TSNARE1: variants seen among roughly 807,000 people sequenced by gnomAD.
TSNARE1 encodes t-SNARE domain containing 1.
TSNARE1 carries 49 observed loss-of-function variants against 62.0 expected under a neutral mutation model. The observed-to-expected ratio is 0.79, with a 90% CI of 0.63 to 1.00. The LOEUF is 1.00. Among genes scored for constraint, TSNARE1 ranks in the 50% least tolerant of loss-of-function variants. The pLI is 0.00. For missense variants in TSNARE1, 755 were observed against 700.1 expected, an observed-to-expected ratio of 1.08 and a Z score of -0.88; for synonymous variants, 328 against 294.4, an observed-to-expected ratio of 1.11 and a Z score of -1.17.
intron 6 of TSNARE1, among the ~76,000 whole-genome samples, chr8:142,321,775 A>C (rs1829518206): frequency 2.0e-5 from 3 of 152,226 alleles, no homozygotes; most frequent in African/African-American, 7.2e-5. Context: ...AGAAAACCTA[A>C]ATAGCTCTAT....
Position 142,319,936 on chromosome 8 carries a change from G to C in TSNARE1, c.894-1302C>G, listed in dbSNP as rs1316200090. Among the ~76,000 whole-genome samples, 1 of 152,130 alleles carries C rather than the reference G, an allele frequency of 6.6e-6. No individual in the cohort carries two copies. The highest frequency in any genetic ancestry group is 1.5e-5 in the Non-Finnish European group (1 of 68,002). On this transcript the variant is annotated intron_variant, in intron 6 of 13. Coordinates refer to ENST00000524325, the MANE Select transcript of TSNARE1 (RefSeq NM_145003.5). The surrounding 1 kb of genome is among the most constrained non-coding windows in gnomAD (Gnocchi z 4.9). Reference sequence around the variant, plus strand: ...TTGGTCAGGGCCGCCTCCTCCTGCAGCTGGCGTCTGAGGCTTTGGAGAGCC... The same window carrying C: ...TTGGTCAGGGCCGCCTCCTCCTGCACCTGGCGTCTGAGGCTTTGGAGAGCC...
At chr8:142,324,418 T>C (rs1829904092) in intron 6 of TSNARE1, among the ~76,000 whole-genome samples, 1 of 152,174 alleles carries the variant, frequency 6.6e-6, no homozygotes, top group Non-Finnish European at 1.5e-5. Flanking sequence ...GTGCCGTTGC[T>C]GCCAGCAGTC....
At chr8:142,337,576 C>T (rs185500687) in intron 4 of TSNARE1, among the ~76,000 whole-genome samples, 4 of 152,336 alleles carry the variant, frequency 2.6e-5, no homozygotes, top group Admixed American at 2.6e-4. Flanking sequence ...CTGAGGGAGC[C>T]GCGGGGAGTG....
At chr8:142,282,395 A>G (rs1256492425) in intron 11 of TSNARE1, among the ~76,000 whole-genome samples, 2 of 151,826 alleles carry the variant, frequency 1.3e-5, no homozygotes, top group East Asian at 1.9e-4. Context: ...AGCGTCTGTC[A>G]ATGATCAGGG....
intron 12 of TSNARE1, among the ~76,000 whole-genome samples, chr8:142,238,035 C>T (rs1391728453): frequency 6.6e-6 from 1 of 152,054 alleles, no homozygotes; most frequent in Non-Finnish European, 1.5e-5. Flanking sequence ...GCAGCGGCTC[C>T]CTCACCCGAC....
At chr8:142,367,543 G>C (rs1835643244) in intron 1 of TSNARE1, among the ~76,000 whole-genome samples, 1 of 152,146 alleles carries the variant, frequency 6.6e-6, no homozygotes, top group African/African-American at 2.4e-5. Flanking sequence ...GGGGGACTAG[G>C]GAGTGACTGC....
chr8:142,337,602 G>A (rs1195287290), intron 4 of TSNARE1, among the ~76,000 whole-genome samples: 1 of 152,212 alleles, frequency 6.6e-6, no homozygotes, highest in Non-Finnish European at 1.5e-5. Context: ...CTGTCACCAG[G>A]CAGGCTGTGG....
At chr8:142,267,086 A>G (rs1480552791) in intron 12 of TSNARE1, among the ~76,000 whole-genome samples, 4 of 152,322 alleles carry the variant, frequency 2.6e-5, no homozygotes, top group African/African-American at 9.6e-5. Context: ...TTTCACAGAA[A>G]TCATATTATA....
At chr8:142,240,326 G>A (rs906111340) in intron 12 of TSNARE1, among the ~76,000 whole-genome samples, 2 of 152,140 alleles carry the variant, frequency 1.3e-5, no homozygotes, top group African/African-American at 4.8e-5. Context: ...CAATCTTAAC[G>A]AAATAGCCAC....
At chr8:142,252,066 G>A (rs1212238966) in intron 12 of TSNARE1, among the ~76,000 whole-genome samples, 16 of 149,606 alleles carry the variant, frequency 1.1e-4, no homozygotes, top group African/African-American at 1.7e-4. Context: ...TGCAGGGCCC[G>A]GGCACCATGT....
At chr8:142,227,208 C>T (rs1210044064) in intron 13 of TSNARE1, among the ~76,000 whole-genome samples, 1 of 151,020 alleles carries the variant, frequency 6.6e-6, no homozygotes, top group East Asian at 2.0e-4. Context: ...TCCACTGCAT[C>T]CACAACCCTA....
chr8:142,356,767 C>T lies in TSNARE1; in HGVS notation c.-39-2004G>A, dbSNP rs77775615. 1.1e-3 allele frequency among the ~76,000 whole-genome samples: 165 copies of T among 152,264 alleles called. 3 individuals carry two copies. In the East Asian group the frequency reaches 0.031, roughly 29 times the overall value. On this transcript the variant is annotated intron_variant, in intron 1 of 13. Transcript: ENST00000524325. The stretch of plus-strand genomic sequence containing the variant: ...CATCTTTACCTTGCAGCTGAGGAAA[C>T]TGAGGCATGGAGAGGTGAGGTAACT...
At chr8:142,299,504 C>T (rs1025862272) in intron 10 of TSNARE1, among the ~76,000 whole-genome samples, 3 of 152,246 alleles carry the variant, frequency 2.0e-5, no homozygotes, top group African/African-American at 7.2e-5. Context: ...CACGCAGAGG[C>T]TCGGATCCCA....
chr8:142,269,859 C>T, intron 12 of TSNARE1: 4 of 985,452 alleles, frequency 4.1e-6, no homozygotes, highest in Non-Finnish European at 3.6e-6. Flanking sequence ...GGACATGTGG[C>T]TACACCTCAG....
intron 1 of TSNARE1, among the ~76,000 whole-genome samples, chr8:142,375,108 G>T (rs992062021): frequency 6.6e-6 from 1 of 152,230 alleles, no homozygotes; most frequent in South Asian, 2.1e-4. Flanking sequence ...CACAGGGGTG[G>T]CCCCATTGGT....
chr8:142,368,968 A>G (rs1394464428), intron 1 of TSNARE1, among the ~76,000 whole-genome samples: 2 of 152,324 alleles, frequency 1.3e-5, no homozygotes, highest in South Asian at 4.1e-4. Flanking sequence ...AAAGAGCAGC[A>G]AAGGACTCAA....
At chr8:142,359,774 G>A (rs936262322) in intron 1 of TSNARE1, among the ~76,000 whole-genome samples, 17 of 152,152 alleles carry the variant, frequency 1.1e-4, no homozygotes, top group Non-Finnish European at 2.2e-4. Flanking sequence ...TCAAGAAGAG[G>A]ACACTAAGGC....
intron 12 of TSNARE1, chr8:142,270,201 A>T (rs1046891874): frequency 7.1e-6 from 7 of 985,320 alleles, no homozygotes; most frequent in Non-Finnish European, 8.4e-6. Flanking sequence ...CAGGGACTGG[A>T]GATGTGGCAG....
At chr8:142,307,753 C>T (rs1219645730) in intron 9 of TSNARE1, among the ~76,000 whole-genome samples, 4 of 152,204 alleles carry the variant, frequency 2.6e-5, no homozygotes, top group Non-Finnish European at 1.5e-5. Context: ...TTGGGCAGAA[C>T]TGCAAGATCC....
Sources: allele counts gnomAD v4.1 joint callset (sites outside exome capture counted in the v4.1 genomes callset), GRCh38; gene constraint gnomAD v4.1.1; non-coding constraint Gnocchi (gnomAD v3.1); transcripts MANE v1.5; gene names NCBI Gene and HGNC (gene_info 2026-07-23, HGNC 2026-07-21).